The following JCHAIN variants were observed in gnomAD, a reference collection of about 807,000 sequenced individuals.
JCHAIN encodes the protein immunoglobulin J chain.
JCHAIN carries 5 observed loss-of-function variants against 11.1 expected under a neutral mutation model. The ratio of observed to expected loss-of-function variants is 0.45; its 90% CI spans 0.24 to 0.95. The LOEUF (loss-of-function observed/expected upper bound fraction) is 0.95, where lower values mean the gene tolerates loss of function less well. Ranked by LOEUF, JCHAIN falls within the 40% of genes least tolerant of loss-of-function variation. The pLI is 0.21. For missense variants in JCHAIN, 165 were observed against 192.7 expected, an observed-to-expected ratio of 0.86 and a Z score of 0.85; for synonymous variants, 51 against 67.8, an observed-to-expected ratio of 0.75 and a Z score of 1.22.
rs1229896940 is a variant in JCHAIN at position 70,662,129 on chromosome 4, G to A, written c.151C>T (p.Pro51Ser). 1 of 1,613,658 alleles carries A rather than the reference G, an allele frequency of 6.2e-7. No homozygotes were observed. The change falls in exon 2 of 4, where the codon CCT (proline) becomes TCT (serine). Residue 51 changes from proline to serine, a missense_variant. Transcript: ENST00000254801. ...TSRIIRSSED[P>S]NEDIVERNIR... ...TTTCTCTCCACAATGTCCTCATTAG[G>A]ATCTTCGGAAGAACGGATGATCCTG...
chr4:70,665,880 C>A, intron 1 of JCHAIN: 1 of 332,440 alleles, frequency 3.0e-6, no homozygotes. Context: ...AGAATGTATT[C>A]CATTTTCTGA....
chr4:70,657,233 A>G lies in JCHAIN; in HGVS notation c.247T>C (p.Phe83Leu), dbSNP rs1460951849. The change falls in exon 3 of 4, where the codon TTT becomes CTT. Residue 83 changes from phenylalanine (F) to leucine (L), a missense_variant. Transcript: ENST00000254801. Reference sequence around the variant, plus strand: ...TACAGGTCAGACAAATGGTACACAAATCTGGTTCTCAATGGTGAGGTGGGA... The same window carrying G: ...TACAGGTCAGACAAATGGTACACAAGTCTGGTTCTCAATGGTGAGGTGGGA... ...SDPTSPLRTR[F>L]VYHLSDLCKK... The G allele has an allele frequency of 3.1e-6, 5 of 1,599,562 alleles. No homozygotes were observed. The East Asian group carries it at 1.1e-4, about 36-fold the overall frequency.
intron 1 of JCHAIN, among the ~76,000 whole-genome samples, chr4:70,665,543 C>T (rs1739135171): frequency 6.6e-6 from 1 of 151,972 alleles, no homozygotes; most frequent in African/African-American, 2.4e-5. Flanking sequence ...CCTATAAAGT[C>T]ACTGTAAGCT....
chr4:70,664,981 G>A (rs980817853), intron 1 of JCHAIN, among the ~76,000 whole-genome samples: 2 of 152,096 alleles, frequency 1.3e-5, no homozygotes, highest in Admixed American at 1.3e-4. Context: ...CTCACCAACA[G>A]GCAGTATTTT....
At chr4:70,657,917 G>C (rs1738980204) in intron 2 of JCHAIN, among the ~76,000 whole-genome samples, 1 of 152,126 alleles carries the variant, frequency 6.6e-6, no homozygotes, top group South Asian at 2.1e-4. Context: ...TTTTCATCGT[G>C]ATGTCCCATG....
intron 1 of JCHAIN, among the ~76,000 whole-genome samples, chr4:70,664,632 T>C (rs1739118637): frequency 6.6e-6 from 1 of 152,200 alleles, no homozygotes; most frequent in Admixed American, 6.5e-5. Context: ...TTCAAGGTAA[T>C]GAAATAACTC....
At chr4:70,659,312 G>A (rs1739010159) in intron 2 of JCHAIN, among the ~76,000 whole-genome samples, 1 of 151,928 alleles carries the variant, frequency 6.6e-6, no homozygotes, top group South Asian at 2.1e-4. Flanking sequence ...CACTTTGGGA[G>A]GCTGAGGCAG....
chr4:70,666,159 A>G (rs1739148410), intron 1 of JCHAIN, among the ~76,000 whole-genome samples: 1 of 152,192 alleles, frequency 6.6e-6, no homozygotes, highest in African/African-American at 2.4e-5. Context: ...TTCAATATGG[A>G]CATTCATATA....
chr4:70,662,319 G>T, intron 1 of JCHAIN, 104 bp from the exon 2 acceptor site: 1 of 1,038,572 alleles, frequency 9.6e-7, no homozygotes, highest in African/African-American at 1.6e-5. Flanking sequence ...TAGTTTTATG[G>T]TTGGTTTGTC....
chr4:70,664,380 G>T (rs1175936211), intron 1 of JCHAIN, among the ~76,000 whole-genome samples: 2 of 151,624 alleles, frequency 1.3e-5, no homozygotes, highest in African/African-American at 4.8e-5. Context: ...AAGTTTAAAT[G>T]ATCAGAATAG....
Position 70,666,482 on chromosome 4 carries a change from G to A in JCHAIN, c.9C>T (p.Asn3=), listed in dbSNP as rs766259333. 7.4e-6 allele frequency: 12 copies of A among 1,612,556 alleles called. No homozygotes were observed. The highest frequency in any genetic ancestry group is 1.0e-5 in the Non-Finnish European group (12 of 1,178,766). The stretch of plus-strand genomic sequence containing the variant: ...CCAGGACTCCCCAGAAAAGCAAATG[G>A]TTCTTCATCTTGACTTCACTTCTTC... MK[N]HLLFWGVLAV... The change falls in exon 1 of 4, where the codon AAC becomes AAT. Residue 3 remains asparagine (N), a synonymous_variant. Coordinates refer to ENST00000254801, the MANE Select transcript of JCHAIN (RefSeq NM_144646.4).
Position 70,656,265 on chromosome 4 carries a change from A to C in JCHAIN, c.*64T>G, listed in dbSNP as rs1560409751. The C allele has an allele frequency of 8.2e-7, 1 of 1,226,938 alleles. No individual in the cohort carries two copies. Among genetic ancestry groups the C allele is most frequent in the African/African-American group, 1.5e-5 (1 of 66,460 alleles). 76.0% of individuals were successfully genotyped at this position (1,226,938 alleles called of 1,614,324 possible). The stretch of plus-strand genomic sequence containing the variant: ...AAATTCATTGGTAATAAATATGCTA[A>C]CTTTCTGAATCAAAATGGAGAGCCT... On this transcript the variant is annotated 3_prime_UTR_variant, in exon 4 of 4. Coordinates refer to ENST00000254801, the MANE Select transcript of JCHAIN (RefSeq NM_144646.4).
At chr4:70,657,182 A>G in intron 3 of JCHAIN, 29 bp downstream of exon 3, 1 of 1,250,970 alleles carries the variant, frequency 8.0e-7, no homozygotes, top group Non-Finnish European at 1.2e-6. Context: ...TTCCACATCT[A>G]TATTACTATG....
chr4:70,658,642 G>C (rs957087307), intron 2 of JCHAIN, among the ~76,000 whole-genome samples: 1 of 152,026 alleles, frequency 6.6e-6, no homozygotes, highest in Non-Finnish European at 1.5e-5. Flanking sequence ...CCTTTTCCTG[G>C]AATGACCTGC....
chr4:70,656,979 C>A (rs1738961969), intron 3 of JCHAIN, among the ~76,000 whole-genome samples: 1 of 151,974 alleles, frequency 6.6e-6, no homozygotes, highest in African/African-American at 2.4e-5. Context: ...TCTATGAATG[C>A]CAATGATTTT....
chr4:70,659,773 A>C (rs1352784202), intron 2 of JCHAIN, among the ~76,000 whole-genome samples: 1 of 151,862 alleles, frequency 6.6e-6, no homozygotes, highest in Non-Finnish European at 1.5e-5. Flanking sequence ...AGGCTGAGGC[A>C]GGAGAATTGT....
At chr4:70,657,005 G>A (rs1417952200) in intron 3 of JCHAIN, among the ~76,000 whole-genome samples, 1 of 152,156 alleles carries the variant, frequency 6.6e-6, no homozygotes, top group African/African-American at 2.4e-5. Context: ...TAGAAAAAAT[G>A]TATAGCTAAA....
chr4:70,666,379 T>A (rs750348058), intron 1 of JCHAIN, 48 bp downstream of exon 1: 3 of 1,314,204 alleles, frequency 2.3e-6, no homozygotes, highest in African/African-American at 2.9e-5. Context: ...AACAGATCTG[T>A]CCTATATTTT....
intron 3 of JCHAIN, 81 bp from the exon 4 acceptor site, chr4:70,656,620 T>C: frequency 9.7e-7 from 1 of 1,029,726 alleles, no homozygotes; most frequent in Admixed American, 1.9e-5. Flanking sequence ...CCAAAATCAA[T>C]TAGTTCTTGC....
Sources: gnomAD v4.1 joint callset for allele counts (sites outside exome capture counted in the v4.1 genomes callset) on GRCh38, gnomAD v4.1.1 for gene constraint, MANE v1.5 for transcripts, NCBI Gene and HGNC (gene_info 2026-07-23, HGNC 2026-07-21) for gene names.